The following TENM4 variants were observed in gnomAD, a reference collection of about 807,000 sequenced individuals.
TENM4 encodes teneurin transmembrane protein 4, also known as teneurin-4.
A neutral mutation model predicts 243.3 loss-of-function variants in TENM4; 82 were observed. The ratio of observed to expected loss-of-function variants is 0.34; its 90% CI spans 0.28 to 0.40. TENM4 has a LOEUF of 0.40. Ranked by LOEUF, TENM4 falls within the 10% of genes least tolerant of loss-of-function variation. The probability of loss-of-function intolerance (pLI) is 1.00; values close to 1 mark genes in which losing one functional copy is unlikely to be tolerated. For missense variants in TENM4, 3,138 were observed against 3,673.3 expected (o/e 0.85, Z 3.77); for synonymous variants, 1,412 against 1,456.3 (o/e 0.97, Z 0.69).
At chr11:78,744,504 A>C (rs1856002088) in intron 19 of TENM4, among the ~76,000 whole-genome samples, 1 of 152,192 alleles carries the variant, frequency 6.6e-6, no homozygotes, top group Non-Finnish European at 1.5e-5. Context: ...GACTGAATCA[A>C]ATGCAGGATT....
intron 6 of TENM4, among the ~76,000 whole-genome samples, chr11:78,984,634 T>C (rs548946882): frequency 9.8e-5 from 15 of 152,290 alleles, no homozygotes; most frequent in African/African-American, 3.4e-4. Context: ...CTGATTGCCA[T>C]AATGTTCTTC....
chr11:78,729,422 C>T lies in TENM4; in HGVS notation c.3360G>A (p.Lys1120=), dbSNP rs950247637. 1.9e-6 allele frequency: 3 copies of T among 1,593,370 alleles called. No individual in the cohort carries two copies. The highest frequency in any genetic ancestry group is 2.6e-6 in the Non-Finnish European group (3 of 1,169,150). ...ACACCTTCTGGTTGTAGACGTCTGT[C>T]TTGTCCCAAATGAAATAATAGGACA... ...PDLSYYFIWD[K]TDVYNQKVFG... The change falls in exon 22 of 34, where the codon AAG becomes AAA. Residue 1120 remains lysine, a synonymous_variant. Transcript: ENST00000278550.
chr11:79,263,513 T>C (rs545900306), intron 2 of TENM4, among the ~76,000 whole-genome samples: 2 of 152,350 alleles, frequency 1.3e-5, no homozygotes, highest in Non-Finnish European at 2.9e-5. Context: ...CTCTAGTTTT[T>C]CCAGAAACAT....
In TENM4 at chr11:78,676,202, G is replaced by T; in HGVS notation, c.5446C>A (p.Arg1816Ser). 6.4e-7 allele frequency: 1 copy of T among 1,573,748 alleles called. No individual in the cohort carries two copies. Among genetic ancestry groups the T allele is most frequent in the Non-Finnish European group, 8.6e-7 (1 of 1,156,704 alleles). Residue 1816 changes from arginine (R) to serine (S), a missense_variant, in exon 30 of 34, where the codon CGC becomes AGC. This residue lies in a region of TENM4 where 2,467 missense variants were observed against 3,059.1 expected (regional missense o/e 0.81). Transcript: ENST00000278550. Reference protein sequence around the residue: ...NGLNLVEWRQRKEQARGQVTV... With the variant: ...NGLNLVEWRQSKEQARGQVTV... ...ACCTGGCCCCGAGCCTGCTCTTTGC[G>T]CTGGCGCCACTCCACCAGGTTGAGG...
chr11:79,325,922 G>A (rs1441273818), intron 1 of TENM4, among the ~76,000 whole-genome samples: 1 of 152,202 alleles, frequency 6.6e-6, no homozygotes, highest in Non-Finnish European at 1.5e-5. Context: ...CAGGGTGGGA[G>A]AGCAGGGAAA....
rs965949447 is a variant in TENM4 at position 79,223,235 on chromosome 11, C to T, written c.-264-7326G>A. Among the ~76,000 whole-genome samples the T allele has an allele frequency of 6.6e-5, 10 of 152,108 alleles. 1 individual carries two copies. Among genetic ancestry groups the T allele is most frequent in the African/African-American group, 2.4e-4 (10 of 41,422 alleles). ...AGAACTGCCTGTAAAAATGGCCTAA[C>T]AAGAAGCACTGGCAGGGGAGAAAAC... On this transcript the variant is annotated intron_variant, in intron 2 of 33. Coordinates refer to ENST00000278550, the MANE Select transcript of TENM4 (RefSeq NM_001098816.3).
At chr11:78,925,974 C>A (rs1173887351) in intron 6 of TENM4, among the ~76,000 whole-genome samples, 1 of 151,566 alleles carries the variant, frequency 6.6e-6, no homozygotes, top group African/African-American at 2.4e-5. Context: ...AAAAACAACC[C>A]CAAAGCCCAT....
At chr11:78,944,544 T>C (rs940719987) in intron 6 of TENM4, among the ~76,000 whole-genome samples, 2 of 152,176 alleles carry the variant, frequency 1.3e-5, no homozygotes, top group Non-Finnish European at 1.5e-5. Flanking sequence ...AGGGCAGAAA[T>C]CACAGTGCAT....
At chr11:78,724,893 T>C (rs1470038253) in intron 23 of TENM4, among the ~76,000 whole-genome samples, 4 of 152,204 alleles carry the variant, frequency 2.6e-5, no homozygotes, top group Non-Finnish European at 5.9e-5. Flanking sequence ...GTGGTCCCCT[T>C]GGATCATGAC....
chr11:79,135,853 C>A (rs1246897345), intron 4 of TENM4, among the ~76,000 whole-genome samples: 3 of 148,800 alleles, frequency 2.0e-5, no homozygotes, highest in Non-Finnish European at 4.5e-5. Context: ...GAATACAACT[C>A]AGCATTAAAA....
intron 1 of TENM4, among the ~76,000 whole-genome samples, chr11:79,433,063 C>T (rs1305862072): frequency 3.3e-5 from 5 of 152,160 alleles, no homozygotes; most frequent in African/African-American, 1.2e-4. Flanking sequence ...AAAGATTATT[C>T]CCCAAATCTA....
At chr11:78,813,004 G>C (rs1039539000) in intron 13 of TENM4, among the ~76,000 whole-genome samples, 1 of 152,092 alleles carries the variant, frequency 6.6e-6, no homozygotes, top group Non-Finnish European at 1.5e-5. Flanking sequence ...TTTTTTACAC[G>C]TGACTCTTAA....
chr11:79,131,907 A>T (rs1444990304), intron 4 of TENM4, among the ~76,000 whole-genome samples: 1 of 152,184 alleles, frequency 6.6e-6, no homozygotes, highest in East Asian at 1.9e-4. Flanking sequence ...CAGACAAAAC[A>T]AACTTTAAAG....
At chr11:78,870,504 C>A (rs781150316) in intron 9 of TENM4, among the ~76,000 whole-genome samples, 4 of 152,130 alleles carry the variant, frequency 2.6e-5, no homozygotes, top group African/African-American at 4.8e-5. Flanking sequence ...CTGATGACTA[C>A]GTGGGGGTAA....
intron 1 of TENM4, among the ~76,000 whole-genome samples, chr11:79,313,191 G>A (rs941716334): frequency 4.6e-5 from 7 of 152,150 alleles, no homozygotes; most frequent in African/African-American, 1.7e-4. Context: ...AAAATGGAAG[G>A]GAGTTTCTAG....
At chr11:79,202,459 C>T (rs11601408) in intron 3 of TENM4, among the ~76,000 whole-genome samples, 449 of 152,280 alleles carry the variant, frequency 2.9e-3, no homozygotes, top group Non-Finnish European at 5.4e-3. Context: ...AAATTTGGCT[C>T]CTGCCAAAGA....
intron 4 of TENM4, among the ~76,000 whole-genome samples, chr11:79,110,318 T>C (rs913185242): frequency 1.3e-5 from 2 of 152,226 alleles, no homozygotes; most frequent in African/African-American, 4.8e-5. Context: ...GTGCTGTTTG[T>C]CTCACACTGC....
At chr11:78,914,819 C>T (rs758933534) in intron 6 of TENM4, among the ~76,000 whole-genome samples, 1 of 152,240 alleles carries the variant, frequency 6.6e-6, no homozygotes, top group Non-Finnish European at 1.5e-5. Flanking sequence ...TAGCTCCTCA[C>T]CACCCCTACT....
At chr11:78,722,627 C>A in intron 24 of TENM4, 41 bp downstream of exon 24, 1 of 1,591,850 alleles carries the variant, frequency 6.3e-7, no homozygotes, top group Non-Finnish European at 8.6e-7. Context: ...ATGGCAAAGG[C>A]ATATTATTAG....
Sources: gnomAD v4.1 joint callset for allele counts (sites outside exome capture counted in the v4.1 genomes callset) on GRCh38, gnomAD v4.1.1 for gene constraint, gnomAD v4.1.1 regional missense constraint, MANE v1.5 for transcripts, NCBI Gene and HGNC (gene_info 2026-07-23, HGNC 2026-07-21) for gene names.